Variants in RO60 observed in about 807,000 individuals in gnomAD.
RO60 encodes the protein Ro60, Y RNA binding protein.
Under a neutral mutation model 55.3 loss-of-function variants are expected in RO60, and 20 were observed. The observed-to-expected ratio is 0.36, with a 90% CI of 0.25 to 0.53. The LOEUF is 0.53. RO60 is among the 20% of genes least tolerant of loss of function. The pLI, the probability that RO60 is intolerant of heterozygous loss-of-function variation, is 0.92. For missense variants in RO60, 558 were observed against 646.6 expected (o/e 0.86, Z 1.49); for synonymous variants, 213 against 213.6 (o/e 1.00, Z 0.02).
chr1:193,076,293 A>G (rs1673913938), intron 3 of RO60, among the ~76,000 whole-genome samples: 1 of 152,146 alleles, frequency 6.6e-6, no homozygotes, highest in African/African-American at 2.4e-5. Flanking sequence ...CATTTCCTTC[A>G]TAAAATATAC....
Position 193,069,552 on chromosome 1 carries a change from G to A in RO60, c.498G>A (p.Leu166=). ...YNEKGGMALA[L]AVTKYKQRNG... Reference sequence around the variant, plus strand: ...AGAAAGGTGGCATGGCCCTTGCTCTGGCAGTTACAAAATATAAACAGAGAA... The same window carrying A: ...AGAAAGGTGGCATGGCCCTTGCTCTAGCAGTTACAAAATATAAACAGAGAA... The change falls in exon 2 of 9, where the codon CTG becomes CTA. Residue 166 remains leucine, a synonymous_variant. Transcript: ENST00000400968. The A allele has an allele frequency of 6.2e-7, 1 of 1,614,106 alleles. No homozygotes were observed. Among genetic ancestry groups the A allele is most frequent in the Non-Finnish European group, 8.5e-7 (1 of 1,180,028 alleles).
chr1:193,084,163 G>A (rs535201134), intron 8 of RO60, among the ~76,000 whole-genome samples: 4 of 152,142 alleles, frequency 2.6e-5, no homozygotes, highest in South Asian at 4.1e-4. Context: ...TGTGTATATC[G>A]CACATATCAA....
At chr1:193,071,644 T>A (rs755359862) in intron 2 of RO60, among the ~76,000 whole-genome samples, 7 of 151,742 alleles carry the variant, frequency 4.6e-5, no homozygotes, top group Non-Finnish European at 8.8e-5. Flanking sequence ...CTGTTGTCAT[T>A]ATTTTTTAAT....
Position 193,076,486 on chromosome 1 carries a change from A to T in RO60, c.802-15A>T. ...CCCTTAATTCCTGGTATTTCTGCCTATGTTATTGCAATAGGTATGGAAGGC... is the reference window on the plus strand; with the variant it reads ...CCCTTAATTCCTGGTATTTCTGCCTTTGTTATTGCAATAGGTATGGAAGGC... On this transcript the variant is annotated splice_polypyrimidine_tract_variant and intron_variant, in intron 3 of 8. Transcript: ENST00000400968. 6.2e-7 allele frequency: 1 copy of T among 1,606,782 alleles called. No individual in the cohort carries two copies. The highest frequency in any genetic ancestry group is 8.5e-7 in the Non-Finnish European group (1 of 1,177,666).
chr1:193,074,365 T>C (rs1320732090), intron 2 of RO60, among the ~76,000 whole-genome samples: 1 of 152,212 alleles, frequency 6.6e-6, no homozygotes, highest in Non-Finnish European at 1.5e-5. Context: ...AGTGTAAAAG[T>C]GTTCCTGTTT....
At position 193,088,457 on chromosome 1, in the gene RO60, G is replaced by A. The variant is rs1025667936; in HGVS notation, c.*3726G>A. ...TTTGGAAAGATAAGGTAGGATTCTT[G>A]AATAAATCTGAAGGTCTCACAATTA... On this transcript the variant is annotated 3_prime_UTR_variant, in exon 9 of 9. Coordinates refer to ENST00000400968, the MANE Select transcript of RO60 (RefSeq NM_001173524.2). 1.3e-5 allele frequency: 2 copies of A among 151,390 alleles called. No individual in the cohort carries two copies. Among genetic ancestry groups the A allele is most frequent in the Non-Finnish European group, 2.9e-5 (2 of 67,906 alleles). The allele number at this position is 151,390 out of a possible 1,614,324, so 9.4% of individuals were successfully genotyped here.
At chr1:193,078,558 A>G (rs1053761595) in intron 5 of RO60, among the ~76,000 whole-genome samples, 1 of 152,216 alleles carries the variant, frequency 6.6e-6, no homozygotes. Context: ...ACCAACACAT[A>G]AAAATCAGTT....
chr1:193,082,458 T>C (rs1482372957), intron 7 of RO60, 104 bp from the exon 8 acceptor site: 5 of 1,413,170 alleles, frequency 3.5e-6, no homozygotes, highest in Non-Finnish European at 4.9e-6. Context: ...ATATGCAGGC[T>C]TTGGGAAGGC....
downstream of RO60, chr1:193,091,668 CTAAA>C (rs761437997): frequency 7.8e-5 from 125 of 1,611,884 alleles, no homozygotes; most frequent in Non-Finnish European, 1.0e-4. Context: ...AAATACCCTA[CTAAA>C]TAAATCATTT....
intron 1 of RO60, among the ~76,000 whole-genome samples, chr1:193,063,606 G>A (rs962432910): frequency 6.6e-6 from 1 of 152,080 alleles, no homozygotes; most frequent in Non-Finnish European, 1.5e-5. Context: ...TGCCTTTGGT[G>A]TCTGCGTTCC....
Position 193,069,425 on chromosome 1 carries a change from A to G in RO60, c.371A>G (p.His124Arg). ...AVSEVCRIPT[H>R]LFTFIQFKKD... ...TCTGAAGTTTGTCGCATTCCTACCC[A>G]TCTCTTTACTTTTATCCAGTTTAAG... is the stretch of plus-strand genomic sequence containing the variant. Residue 124 changes from histidine (H) to arginine (R), a missense_variant, in exon 2 of 9, where the codon CAT becomes CGT. His to Arg is a conservative substitution (Grantham distance 29). Coordinates refer to ENST00000400968, the MANE Select transcript of RO60 (RefSeq NM_001173524.2). 3.7e-6 allele frequency: 6 copies of G among 1,614,186 alleles called. No homozygotes were observed. Among genetic ancestry groups the G allele is most frequent in the Non-Finnish European group, 4.2e-6 (5 of 1,180,008 alleles).
chr1:193,082,579 T>C lies in RO60; in HGVS notation c.1335T>C (p.Thr445=), dbSNP rs1381755762. Residue 445 remains threonine, a synonymous_variant, in exon 8 of 9, where the codon ACT becomes ACC. Coordinates refer to ENST00000400968, the MANE Select transcript of RO60 (RefSeq NM_001173524.2). ...MAMSQIPAGG[T]DCSLPMIWAQ... ...CGAATTAGATCCCAGCAGGTGGAAC[T>C]GATTGCTCTCTTCCAATGATCTGGG... is the stretch of plus-strand genomic sequence containing the variant. 6.2e-7 allele frequency: 1 copy of C among 1,613,914 alleles called. No homozygotes were observed. The highest frequency in any genetic ancestry group is 2.2e-5 in the East Asian group (1 of 44,862).
In RO60 at chr1:193,076,646, A is replaced by C. The variant is rs1482916501; in HGVS notation, c.947A>C (p.Lys316Thr). 2 of 1,597,008 alleles carry C rather than the reference A, an allele frequency of 1.3e-6. No individual in the cohort carries two copies. The highest frequency in any genetic ancestry group is 1.7e-6 in the Non-Finnish European group (2 of 1,173,740). ...CTGTGTAATGAAAAACTATTAAAAA[A>C]GGTAAGCATTATCATTGTTCTTTAT... ...EKLCNEKLLK[K>T]ARIHPFHILI... Residue 316 changes from lysine (K) to threonine (T), a missense_variant and splice_region_variant, in exon 4 of 9, where the codon AAG becomes ACG. Coordinates refer to ENST00000400968, the MANE Select transcript of RO60 (RefSeq NM_001173524.2).
At position 193,087,839 on chromosome 1, in the gene RO60, A is replaced by G. The variant is rs1674682581; in HGVS notation, c.*3108A>G. On this transcript the variant is annotated 3_prime_UTR_variant, in exon 9 of 9. Transcript: ENST00000400968. ...GAAAAATAGCTCACTCAATAGGCCT[A>G]ACAGTGTTTTAAAACATTCCTGTTC... The G allele has an allele frequency of 6.6e-6, 1 of 152,144 alleles. No individual in the cohort carries two copies. Among genetic ancestry groups the G allele is most frequent in the Middle Eastern group, 3.2e-3 (1 of 316 alleles). 9.4% of individuals were successfully genotyped at this position (152,144 alleles called of 1,614,324 possible).
In RO60 at chr1:193,088,745, AT is replaced by A. The variant is rs900193755; in HGVS notation, c.*4017del. ...TCAGTGTAAACATGCACAAGAAAGAATTTGTAAAAAAAAATGACAGGTTAAT... is the reference window on the plus strand; with the variant it reads ...TCAGTGTAAACATGCACAAGAAAGAATTGTAAAAAAAAATGACAGGTTAAT... On this transcript the variant is annotated 3_prime_UTR_variant, in exon 9 of 9. Transcript: ENST00000400968. 11 of 152,284 alleles carry A rather than the reference AT, an allele frequency of 7.2e-5. No homozygotes were observed. The highest frequency in any genetic ancestry group is 2.2e-4 in the African/African-American group (9 of 41,588). The allele number at this position is 152,284 out of a possible 1,614,324, so 9.4% of individuals were successfully genotyped here.
At chr1:193,071,399 T>C (rs1250453307) in intron 2 of RO60, among the ~76,000 whole-genome samples, 2 of 152,252 alleles carry the variant, frequency 1.3e-5, no homozygotes, top group Non-Finnish European at 2.9e-5. Flanking sequence ...AAAAAGTATA[T>C]TATTGCTATT....
intron 4 of RO60, 33 bp from the exon 5 acceptor site, chr1:193,076,880 T>A (rs1558246744): frequency 6.3e-7 from 1 of 1,591,572 alleles, no homozygotes; most frequent in East Asian, 2.2e-5. Flanking sequence ...ATCACTGTTT[T>A]TTGCTAAAAT....
chr1:193,071,440 A>G (rs2103039318), intron 2 of RO60, among the ~76,000 whole-genome samples: 1 of 152,356 alleles, frequency 6.6e-6, no homozygotes, highest in Non-Finnish European at 1.5e-5. Context: ...GTCAGTAGAA[A>G]TAGTTGCATA....
At position 193,076,949 on chromosome 1, in the gene RO60, G is replaced by A. The variant is rs1304325912; in HGVS notation, c.985G>A (p.Glu329Lys). 1.2e-6 allele frequency: 2 copies of A among 1,612,474 alleles called. No individual in the cohort carries two copies. The highest frequency in any genetic ancestry group is 1.7e-6 in the Non-Finnish European group (2 of 1,179,186). The change falls in exon 5 of 9, where the codon GAA (glutamate) becomes AAA (lysine). Residue 329 changes from glutamate (E) to lysine (K), a missense_variant. By Grantham distance (56) the Glu-to-Lys change is moderately conservative. Coordinates refer to ENST00000400968, the MANE Select transcript of RO60 (RefSeq NM_001173524.2). ...IHPFHILIALETYKTGHGLRG... is the reference protein window; with the variant it reads ...IHPFHILIALKTYKTGHGLRG... ...TCCATTTCATATTTTGATCGCATTAGAAACTTACAAGACAGGTCATGGTCT... is the reference window on the plus strand; with the variant it reads ...TCCATTTCATATTTTGATCGCATTAAAAACTTACAAGACAGGTCATGGTCT...
Sources: gnomAD v4.1 joint callset for allele counts (sites outside exome capture counted in the v4.1 genomes callset) on GRCh38, gnomAD v4.1.1 for gene constraint, MANE v1.5 for transcripts, NCBI Gene and HGNC (gene_info 2026-07-23, HGNC 2026-07-21) for gene names.